Variants in BTBD3 observed in about 807,000 individuals in gnomAD.
The protein encoded by BTBD3 is BTB domain containing 3.
In BTBD3, 14 loss-of-function variants were observed where a neutral mutation model predicts 41.6. The observed-to-expected ratio is 0.34, with a 90% CI of 0.22 to 0.53. The LOEUF (loss-of-function observed/expected upper bound fraction) is 0.53, where lower values mean the gene tolerates loss of function less well. Ranked by LOEUF, BTBD3 falls within the 20% of genes least tolerant of loss-of-function variation. The pLI, the probability that BTBD3 is intolerant of heterozygous loss-of-function variation, is 0.95. For missense variants in BTBD3, 426 were observed against 654.7 expected (o/e 0.65, Z 3.81); for synonymous variants, 249 against 233.7 (o/e 1.07, Z -0.60).
chr20:11,906,058 T>TTTAG (rs991401307), intron 1 of BTBD3, among the ~76,000 whole-genome samples: 2 of 151,830 alleles, frequency 1.3e-5, no homozygotes, highest in African/African-American at 4.8e-5. Context: ...TTTGAGCAGA[T>TTTAG]TTATTTATTT....
intron 1 of BTBD3, among the ~76,000 whole-genome samples, chr20:11,893,577 A>C (rs1367917597): frequency 6.6e-6 from 1 of 152,212 alleles, no homozygotes; most frequent in East Asian, 1.9e-4. Flanking sequence ...CCAGTCTCAA[A>C]TTCCTTGAAG....
At chr20:11,898,786 A>G (rs984883363) in intron 1 of BTBD3, among the ~76,000 whole-genome samples, 3 of 152,218 alleles carry the variant, frequency 2.0e-5, no homozygotes, top group African/African-American at 4.8e-5. Flanking sequence ...TTTATAGTTT[A>G]TAATGGAGAT....
Position 11,919,151 on chromosome 20 carries a change from G to A in BTBD3, c.392G>A (p.Gly131Glu), listed in dbSNP as rs1005150840. ...CATTTTGTGGTTGGGCCACCAGGTG[G>A]GACTCAACGGTTGCCAGGACACAAA... The part of the protein sequence containing the change: ...DVHFVVGPPG[G>E]TQRLPGHKYV... Residue 131 changes from glycine (G) to glutamate (E), a missense_variant, in exon 2 of 4, where the codon GGG (glycine) becomes GAG (glutamate). Gly to Glu is a moderately conservative substitution (Grantham distance 98). Transcript: ENST00000378226. The A allele has an allele frequency of 3.7e-5, 60 of 1,613,548 alleles. No homozygotes were observed. The highest frequency in any genetic ancestry group is 4.5e-5 in the Non-Finnish European group (53 of 1,179,768).
intron 1 of BTBD3, among the ~76,000 whole-genome samples, chr20:11,903,400 T>G (rs1344935822): frequency 6.6e-6 from 1 of 152,196 alleles, no homozygotes; most frequent in Non-Finnish European, 1.5e-5. Flanking sequence ...CAGAGAGAGA[T>G]GTTTGTTTTC....
rs753757500 is a variant in BTBD3, at chr20:11,919,762, C to T, written c.462C>T (p.Tyr154=). 2.0e-5 allele frequency: 33 copies of T among 1,613,990 alleles called. No homozygotes were observed. The African/African-American group carries it at 2.9e-4, about 14-fold the overall frequency. The change falls in exon 3 of 4, where the codon TAC becomes TAT. Residue 154 remains tyrosine (Y), a synonymous_variant. Coordinates refer to ENST00000378226, the MANE Select transcript of BTBD3 (RefSeq NM_014962.4). ...GCTCTGTGTTCCATGCGATGTTTTA[C>T]GGAGAACTTGCAGAGGACAAAGATG... ...VGSSVFHAMF[Y]GELAEDKDEI...
chr20:11,918,505 G>T lies in BTBD3; in HGVS notation c.230G>T (p.Ser77Ile). The change falls in exon 1 of 4, where the codon AGC becomes ATC. Residue 77 changes from serine to isoleucine, a missense_variant. Ser to Ile is a moderately radical substitution (Grantham distance 142). Around this residue, in one of 3 missense-constraint regions of BTBD3, gnomAD observed 52 missense variants for 45.1 expected, o/e 1.15. Coordinates refer to ENST00000378226, the MANE Select transcript of BTBD3 (RefSeq NM_014962.4). ...FPRKKPANSS[S>I]TSVQQYHQQN... ...CGTAAAAAGCCAGCCAACTCCAGCA[G>T]CACCAGCGTCCAGCAGTACCACCAG... is the stretch of plus-strand genomic sequence containing the variant. The T allele has an allele frequency of 6.2e-7, 1 of 1,614,150 alleles. No homozygotes were observed. The highest frequency in any genetic ancestry group is 1.1e-5 in the South Asian group (1 of 91,074).
intron 1 of BTBD3, among the ~76,000 whole-genome samples, chr20:11,892,858 A>C (rs1308380488): frequency 6.6e-6 from 1 of 152,106 alleles, no homozygotes; most frequent in Non-Finnish European, 1.5e-5. Flanking sequence ...GTGCGGAAAA[A>C]CTTTTGATAA....
At chr20:11,906,287 C>CTTTTTTTTGTTTT (rs2056854379) in intron 1 of BTBD3, among the ~76,000 whole-genome samples, 1 of 58,478 alleles carries the variant, frequency 1.7e-5, no homozygotes. Context: ...TTTTTTGAGA[C>CTTTTTTTTGTTTT]GGAGTCTCGT....
At chr20:11,908,488 A>C (rs1283671370) in intron 1 of BTBD3, among the ~76,000 whole-genome samples, 1 of 151,928 alleles carries the variant, frequency 6.6e-6, no homozygotes, top group Non-Finnish European at 1.5e-5. Context: ...AGAAACTCAA[A>C]TTTAAGAACA....
At chr20:11,920,087 T>C (rs999671677) in intron 3 of BTBD3, among the ~76,000 whole-genome samples, 112 of 152,342 alleles carry the variant, frequency 7.4e-4, no homozygotes, top group Middle Eastern at 3.4e-3. Flanking sequence ...GTGATGATTT[T>C]TAACAACTTA....
At chr20:11,921,638 G>C (rs1184063674) in intron 3 of BTBD3, 1 of 152,250 alleles carries the variant, frequency 6.6e-6, no homozygotes. Context: ...TATCAGAGAA[G>C]AGAAAGGTTC....
At chr20:11,897,286 G>A (rs940825750) in intron 1 of BTBD3, among the ~76,000 whole-genome samples, 2 of 151,942 alleles carry the variant, frequency 1.3e-5, no homozygotes, top group Non-Finnish European at 2.9e-5. Context: ...ACTTCTTAAC[G>A]TGAATATGTG....
intron 1 of BTBD3, among the ~76,000 whole-genome samples, chr20:11,905,151 T>A (rs138871990): frequency 2.8e-4 from 42 of 152,332 alleles, no homozygotes; most frequent in Middle Eastern, 3.4e-3. Flanking sequence ...AAGCCTTGAA[T>A]TTTATTATCA....
chr20:11,918,706 C>A, intron 1 of BTBD3, 105 bp downstream of exon 1: 1 of 1,259,244 alleles, frequency 7.9e-7, no homozygotes, highest in Non-Finnish European at 1.1e-6. Flanking sequence ...TTCCTCTTTT[C>A]CCAGAAGCTT....
At chr20:11,893,462 G>A (rs952355532) in intron 1 of BTBD3, among the ~76,000 whole-genome samples, 1 of 152,130 alleles carries the variant, frequency 6.6e-6, no homozygotes, top group African/African-American at 2.4e-5. Context: ...AGTGATGCTG[G>A]GCTGCTAAAA....
At chr20:11,921,957 A>AT (rs2056973423) in intron 3 of BTBD3, among the ~76,000 whole-genome samples, 2 of 152,198 alleles carry the variant, frequency 1.3e-5, no homozygotes, top group African/African-American at 4.8e-5. Context: ...AATAATACAT[A>AT]TTTAAGCTTT....
intron 3 of BTBD3, among the ~76,000 whole-genome samples, chr20:11,921,083 C>T (rs2056966599): frequency 6.6e-6 from 1 of 152,190 alleles, no homozygotes; most frequent in African/African-American, 2.4e-5. Context: ...CTGCAAGTAT[C>T]CCCACTGCAT....
Position 11,923,653 on chromosome 20 carries a change from T to C in BTBD3, c.1556T>C (p.Ile519Thr), listed in dbSNP as rs574543359. The C allele has an allele frequency of 1.3e-6, 2 of 1,595,732 alleles. No individual in the cohort carries two copies. The highest frequency in any genetic ancestry group is 1.3e-5 in the African/African-American group (1 of 74,716). Residue 519 changes from isoleucine (I) to threonine (T), a missense_variant, in exon 4 of 4, where the codon ATA becomes ACA. Around this residue, in one of 3 missense-constraint regions of BTBD3, gnomAD observed 321 missense variants for 534.8 expected, o/e 0.60. Coordinates refer to ENST00000378226, the MANE Select transcript of BTBD3 (RefSeq NM_014962.4). The surrounding 1 kb of genome is among the most constrained non-coding windows in gnomAD (Gnocchi z 5.3). ...CAGGGAGGGCAGATCCCTGAACTTA[T>C]ATTCTATGCTTGAAAACTCACTTCC... Reference protein sequence around the residue: ...GVQGGQIPELIFYA With the variant: ...GVQGGQIPELTFYA
At position 11,922,975 on chromosome 20, in the gene BTBD3, C is replaced by T; in HGVS notation, c.878C>T (p.Ala293Val). ...IVVFEAALNW[A>V]EVECQRQDLA... ...GTTTTTGAGGCAGCTCTCAACTGGGCTGAAGTAGAATGCCAACGACAAGAT... is the reference window on the plus strand; with the variant it reads ...GTTTTTGAGGCAGCTCTCAACTGGGTTGAAGTAGAATGCCAACGACAAGAT... Residue 293 changes from alanine (A) to valine (V), a missense_variant, in exon 4 of 4, where the codon GCT becomes GTT. This residue lies in a region of BTBD3 where 321 missense variants were observed against 534.8 expected (regional missense o/e 0.60). Coordinates refer to ENST00000378226, the MANE Select transcript of BTBD3 (RefSeq NM_014962.4). 1 of 1,614,200 alleles carries T rather than the reference C, an allele frequency of 6.2e-7. No homozygotes were observed. The highest frequency in any genetic ancestry group is 1.3e-5 in the African/African-American group (1 of 75,046).
Sources: allele counts gnomAD v4.1 joint callset (sites outside exome capture counted in the v4.1 genomes callset), GRCh38; gene constraint gnomAD v4.1.1; regional missense constraint gnomAD v4.1.1; non-coding constraint Gnocchi (gnomAD v3.1); transcripts MANE v1.5; gene names NCBI Gene and HGNC (gene_info 2026-07-23, HGNC 2026-07-21).